Variants in ROBO2 observed in about 807,000 individuals in gnomAD.
ROBO2 encodes the protein roundabout guidance receptor 2.
Under a neutral mutation model 160.8 loss-of-function variants are expected in ROBO2, and 53 were observed. That is an observed-to-expected ratio of 0.33 (90% CI 0.26 to 0.41). The LOEUF is 0.41. Ranked by LOEUF, ROBO2 falls within the 10% of genes least tolerant of loss-of-function variation. The pLI is 1.00. For synonymous variants in ROBO2, 664 were observed against 611.7 expected (o/e 1.09, Z -1.26); for missense variants, 1,577 against 1,722.4 (o/e 0.92, Z 1.49).
At chr3:77,093,938 C>T (rs1164133603) in intron 1 of ROBO2, among the ~76,000 whole-genome samples, 3 of 152,122 alleles carry the variant, frequency 2.0e-5, no homozygotes, top group East Asian at 1.9e-4. Context: ...TTTTATTAAA[C>T]TTGTTCACAG....
intron 2 of ROBO2, among the ~76,000 whole-genome samples, chr3:76,800,703 A>G (rs1392240045): frequency 6.6e-6 from 1 of 152,208 alleles, no homozygotes; most frequent in Non-Finnish European, 1.5e-5. Context: ...AAAGGCTTAT[A>G]TGCAAAAGGC....
intron 2 of ROBO2, among the ~76,000 whole-genome samples, chr3:76,746,625 C>A (rs1025900704): frequency 6.6e-6 from 1 of 152,034 alleles, no homozygotes; most frequent in East Asian, 1.9e-4. Context: ...ACTGGCAAAC[C>A]GAATCCAGCA....
intron 2 of ROBO2, among the ~76,000 whole-genome samples, chr3:76,063,365 CAG>C (rs1239486556): frequency 7.3e-6 from 1 of 136,796 alleles, no homozygotes; most frequent in Non-Finnish European, 1.5e-5. Context: ...TTTTTTGAGA[CAG>C]AGTCTCACTT....
intron 2 of ROBO2, among the ~76,000 whole-genome samples, chr3:76,155,021 G>A (rs975636252): frequency 6.6e-6 from 1 of 152,132 alleles, no homozygotes; most frequent in Non-Finnish European, 1.5e-5. Flanking sequence ...AAAGATATCC[G>A]AAAAACTGGC....
intron 2 of ROBO2, among the ~76,000 whole-genome samples, chr3:76,946,516 C>A (rs1307018846): frequency 6.6e-6 from 1 of 152,122 alleles, no homozygotes; most frequent in Non-Finnish European, 1.5e-5. Context: ...CAGCTCACTA[C>A]AACCTCTGCC....
intron 2 of ROBO2, among the ~76,000 whole-genome samples, chr3:76,538,967 G>A (rs900554065): frequency 3.0e-4 from 46 of 152,176 alleles, no homozygotes; most frequent in African/African-American, 1.1e-3. Flanking sequence ...ATGATAGACT[G>A]GATAAAGAAA....
intron 2 of ROBO2, among the ~76,000 whole-genome samples, chr3:76,181,792 T>TA (rs562309823): frequency 0.013 from 1,922 of 148,612 alleles, 51 homozygotes; most frequent in African/African-American, 0.044. Context: ...TTTTATGTCC[T>TA]AAAAAAAAAG....
chr3:75,907,464 C>A, intron 1 of ROBO2, among the ~76,000 whole-genome samples: 1 of 152,050 alleles, frequency 6.6e-6, no homozygotes, highest in East Asian at 1.9e-4. Context: ...AGAGTAACTT[C>A]AGGTTCCTTT....
intron 2 of ROBO2, among the ~76,000 whole-genome samples, chr3:77,280,614 A>G (rs994928787): frequency 1.3e-5 from 2 of 152,210 alleles, no homozygotes; most frequent in African/African-American, 4.8e-5. Flanking sequence ...TAGTTTGTCC[A>G]TAACACGACA....
At chr3:77,007,261 A>G (rs2149445075) in intron 2 of ROBO2, among the ~76,000 whole-genome samples, 1 of 152,290 alleles carries the variant, frequency 6.6e-6, no homozygotes, top group African/African-American at 2.4e-5. Context: ...CATTAATTAA[A>G]ATGTAGGGGA....
intron 25 of ROBO2, among the ~76,000 whole-genome samples, chr3:77,645,207 C>T (rs1266813954): frequency 6.6e-6 from 1 of 151,966 alleles, no homozygotes; most frequent in African/African-American, 2.4e-5. Flanking sequence ...TTTTCTTTGC[C>T]TTTTTAACTG....
chr3:75,973,333 T>A (rs1206885854), intron 2 of ROBO2, among the ~76,000 whole-genome samples: 1 of 151,614 alleles, frequency 6.6e-6, no homozygotes, highest in East Asian at 2.0e-4. Context: ...ACTGGAAGAG[T>A]GCTTCAGTAC....
intron 1 of ROBO2, among the ~76,000 whole-genome samples, chr3:77,049,865 G>A (rs1274117592): frequency 3.3e-4 from 50 of 152,122 alleles, no homozygotes; most frequent in Non-Finnish European, 5.9e-5. Context: ...AAGGGATTTG[G>A]ACCAAACCTC....
intron 2 of ROBO2, among the ~76,000 whole-genome samples, chr3:76,190,333 T>C (rs1701950012): frequency 1.3e-5 from 2 of 152,136 alleles, no homozygotes; most frequent in African/African-American, 2.4e-5. Flanking sequence ...TTTAAATTAA[T>C]ATTGATGTGT....
At chr3:77,175,133 T>A (rs1422657801) in intron 2 of ROBO2, among the ~76,000 whole-genome samples, 1 of 151,958 alleles carries the variant, frequency 6.6e-6, no homozygotes, top group African/African-American at 2.4e-5. Flanking sequence ...GGAAACTGAG[T>A]CAAAGAAAGA....
At chr3:77,198,533 C>A (rs971033789) in intron 2 of ROBO2, among the ~76,000 whole-genome samples, 1 of 152,200 alleles carries the variant, frequency 6.6e-6, no homozygotes, top group East Asian at 1.9e-4. Context: ...TAGTGGGACA[C>A]TTGAGGACCA....
chr3:76,971,732 T>C (rs766126134), intron 2 of ROBO2, among the ~76,000 whole-genome samples: 5 of 152,188 alleles, frequency 3.3e-5, no homozygotes, highest in Non-Finnish European at 7.3e-5. Context: ...TTCAAAAGAA[T>C]GCTATTAATA....
At chr3:77,565,616 T>C (rs1045247674) in intron 12 of ROBO2, among the ~76,000 whole-genome samples, 1 of 152,062 alleles carries the variant, frequency 6.6e-6, no homozygotes, top group African/African-American at 2.4e-5. Context: ...ATTCAAACGC[T>C]CTGAGGTTGG....
At chr3:76,011,847 G>A (rs944890527) in intron 2 of ROBO2, among the ~76,000 whole-genome samples, 1 of 152,064 alleles carries the variant, frequency 6.6e-6, no homozygotes, top group Non-Finnish European at 1.5e-5. Context: ...AATCAAATGT[G>A]TATATGTAGA....
Sources: gnomAD v4.1 joint callset for allele counts (sites outside exome capture counted in the v4.1 genomes callset) on GRCh38, gnomAD v4.1.1 for gene constraint, MANE v1.5 for transcripts, NCBI Gene and HGNC (gene_info 2026-07-23, HGNC 2026-07-21) for gene names.